The following MARCHF6 variants were observed in gnomAD, a reference collection of about 807,000 sequenced individuals.
The protein encoded by MARCHF6 is E3 ubiquitin-protein ligase MARCHF6.
In MARCHF6, 31 loss-of-function variants were observed where a neutral mutation model predicts 133.7. The observed-to-expected ratio is 0.23, with a 90% CI of 0.17 to 0.31. The LOEUF is 0.31. MARCHF6 is among the 10% of genes least tolerant of loss of function. MARCHF6 has a pLI of 1.00. For missense variants in MARCHF6, 723 were observed against 1,121.6 expected (o/e 0.64, Z 5.08); for synonymous variants, 395 against 402.5 (o/e 0.98, Z 0.22).
intron 1 of MARCHF6, among the ~76,000 whole-genome samples, chr5:10,367,244 T>TA (rs1300221634): frequency 6.6e-6 from 1 of 152,178 alleles, no homozygotes; most frequent in African/African-American, 2.4e-5. Flanking sequence ...AAAGGGACGT[T>TA]AGGTAAAGAC....
intron 4 of MARCHF6, 149 bp from the exon 5 acceptor site, chr5:10,386,845 A>T: frequency 1.7e-6 from 1 of 574,260 alleles, no homozygotes; most frequent in Non-Finnish European, 3.2e-6. Context: ...GTTTTTAAAA[A>T]TTTAATATTT....
At chr5:10,400,953 G>A in intron 11 of MARCHF6, 111 bp downstream of exon 11, 3 of 821,756 alleles carry the variant, frequency 3.7e-6, no homozygotes, top group Non-Finnish European at 6.0e-6. Context: ...ATTATGCAAG[G>A]GAATAGTTAG....
intron 1 of MARCHF6, among the ~76,000 whole-genome samples, chr5:10,375,644 G>A (rs1211288973): frequency 6.6e-6 from 1 of 152,230 alleles, no homozygotes; most frequent in Non-Finnish European, 1.5e-5. Flanking sequence ...GACGTGGAGA[G>A]TCTTTATGTC....
chr5:10,414,521 C>T lies in MARCHF6; in HGVS notation c.1966+19C>T. On this transcript the variant is annotated intron_variant, in intron 20 of 25. Coordinates refer to ENST00000274140, the MANE Select transcript of MARCHF6 (RefSeq NM_005885.4). The stretch of plus-strand genomic sequence containing the variant: ...TTACCAGGTATGAGCTTGTGCTAGC[C>T]TTCAGCTAATAGCATCATTAAGGTT... The T allele has an allele frequency of 6.3e-7, 1 of 1,589,972 alleles. No homozygotes were observed. The highest frequency in any genetic ancestry group is 8.6e-7 in the Non-Finnish European group (1 of 1,158,670).
At chr5:10,383,486 T>C (rs1737279056) in intron 4 of MARCHF6, among the ~76,000 whole-genome samples, 1 of 152,174 alleles carries the variant, frequency 6.6e-6, no homozygotes, top group African/African-American at 2.4e-5. Flanking sequence ...CAGATTATCC[T>C]ACAAAGTAAA....
chr5:10,366,121 T>C (rs1736126395), intron 1 of MARCHF6, among the ~76,000 whole-genome samples: 1 of 151,892 alleles, frequency 6.6e-6, no homozygotes, highest in Admixed American at 6.6e-5. Flanking sequence ...TTAGTAGAGA[T>C]GGGTTTCGCC....
At chr5:10,368,821 C>G (rs974404109) in intron 1 of MARCHF6, among the ~76,000 whole-genome samples, 2 of 152,196 alleles carry the variant, frequency 1.3e-5, no homozygotes, top group East Asian at 1.9e-4. Flanking sequence ...AGTCTGCCCA[C>G]CATGGCCTCC....
At chr5:10,359,149 A>G (rs1259969678) in intron 1 of MARCHF6, among the ~76,000 whole-genome samples, 1 of 152,216 alleles carries the variant, frequency 6.6e-6, no homozygotes, top group Admixed American at 6.5e-5. Flanking sequence ...TAAACTTTGA[A>G]TAACATGATG....
At chr5:10,365,237 A>G (rs1007863272) in intron 1 of MARCHF6, among the ~76,000 whole-genome samples, 4 of 152,176 alleles carry the variant, frequency 2.6e-5, no homozygotes, top group Non-Finnish European at 4.4e-5. Context: ...TAATTTAGTA[A>G]CGATAGTAAT....
At chr5:10,356,560 T>G (rs1190129093) in intron 1 of MARCHF6, among the ~76,000 whole-genome samples, 1 of 151,822 alleles carries the variant, frequency 6.6e-6, no homozygotes, top group Admixed American at 6.6e-5. Flanking sequence ...CTCCCTCTGC[T>G]AATTTTTGTG....
rs1740489868 is a variant in MARCHF6, at chr5:10,433,995, AC to A, written c.*312del. ...TATTAATTTATTAAATCTAGTTGTC[AC>A]TTTATTTTGGACCTGCTGTGATCTC... On this transcript the variant is annotated 3_prime_UTR_variant, in exon 26 of 26. Coordinates refer to ENST00000274140, the MANE Select transcript of MARCHF6 (RefSeq NM_005885.4). The A allele has an allele frequency of 3.5e-6, 1 of 284,060 alleles. No individual in the cohort carries two copies. Among genetic ancestry groups the A allele is most frequent in the Non-Finnish European group, 6.8e-6 (1 of 146,660 alleles). 17.6% of individuals were successfully genotyped at this position (284,060 alleles called of 1,614,324 possible). A position where few individuals can be genotyped will look rare whatever the true frequency, so the allele number is the denominator to read the frequency against.
intron 3 of MARCHF6, among the ~76,000 whole-genome samples, chr5:10,379,867 A>G (rs1322181586): frequency 6.6e-6 from 1 of 152,082 alleles, no homozygotes. Context: ...CAGCTTCCCA[A>G]AGTGTTGGGA....
Position 10,390,313 on chromosome 5 carries a change from G to A in MARCHF6, c.408-19G>A, listed in dbSNP as rs780176020. The A allele has an allele frequency of 6.3e-7, 1 of 1,595,194 alleles. No individual in the cohort carries two copies. Among genetic ancestry groups the A allele is most frequent in the Non-Finnish European group, 8.5e-7 (1 of 1,169,790 alleles). The stretch of plus-strand genomic sequence containing the variant: ...TAAGTCTTCTTTGGAGTAATTATAT[G>A]TACTTTTTTTTTTAATAGGGAAAAT... On this transcript the variant is annotated intron_variant, in intron 5 of 25. Coordinates refer to ENST00000274140, the MANE Select transcript of MARCHF6 (RefSeq NM_005885.4).
chr5:10,405,826 T>TAACCAATAACAC, intron 16 of MARCHF6, 149 bp downstream of exon 16: 1 of 593,858 alleles, frequency 1.7e-6, no homozygotes, highest in Non-Finnish European at 2.6e-6. Flanking sequence ...AGTTGTCAAG[T>TAACCAATAACAC]AGCTGTGTTA....
chr5:10,400,691 A>C, intron 10 of MARCHF6, 93 bp from the exon 11 acceptor site: 1 of 889,962 alleles, frequency 1.1e-6, no homozygotes, highest in Non-Finnish European at 1.9e-6. Context: ...TCATTTCTCC[A>C]AGAAGCCCTA....
intron 15 of MARCHF6, among the ~76,000 whole-genome samples, chr5:10,404,793 G>A (rs1266914176): frequency 6.6e-6 from 1 of 152,186 alleles, no homozygotes; most frequent in African/African-American, 2.4e-5. Context: ...TATAATTTCA[G>A]TAAATTCTCT....
intron 7 of MARCHF6, among the ~76,000 whole-genome samples, chr5:10,391,993 C>T (rs1737880098): frequency 6.8e-6 from 1 of 146,732 alleles, no homozygotes; most frequent in African/African-American, 2.5e-5. Flanking sequence ...GAGTCTCGCT[C>T]TGTCGCCCAG....
At position 10,353,737 on chromosome 5, in the gene MARCHF6, C is replaced by CCT. The variant is rs1193236579; in HGVS notation, c.-156_-155dup. 2.1e-6 allele frequency: 1 copy of CCT among 468,420 alleles called. No homozygotes were observed. The highest frequency in any genetic ancestry group is 3.9e-6 in the Non-Finnish European group (1 of 253,464). The allele number at this position is 468,420 out of a possible 1,614,324, so 29.0% of individuals were successfully genotyped here. A position where few individuals can be genotyped will look rare whatever the true frequency, so the allele number is the denominator to read the frequency against. On this transcript the variant is annotated 5_prime_UTR_variant, in exon 1 of 26. Coordinates refer to ENST00000274140, the MANE Select transcript of MARCHF6 (RefSeq NM_005885.4). Reference sequence around the variant, plus strand: ...TCCCGTGTCGCTCGCTTTCTGTCAGCCTCTCTCCCTCTCCCTCTCCCCTCT... The same window carrying CCT: ...TCCCGTGTCGCTCGCTTTCTGTCAGCCTCTCTCTCCCTCTCCCTCTCCCCTCT...
intron 1 of MARCHF6, among the ~76,000 whole-genome samples, chr5:10,374,191 A>G (rs1249500962): frequency 6.6e-6 from 1 of 151,864 alleles, no homozygotes; most frequent in African/African-American, 2.4e-5. Flanking sequence ...ACAATATAGA[A>G]CTCTTTCAAG....
Sources: allele counts gnomAD v4.1 joint callset (sites outside exome capture counted in the v4.1 genomes callset), GRCh38; gene constraint gnomAD v4.1.1; transcripts MANE v1.5; gene names NCBI Gene and HGNC (gene_info 2026-07-23, HGNC 2026-07-21).